Variants in FSTL5 observed in about 807,000 individuals in gnomAD.
FSTL5 encodes follistatin like 5, also known as follistatin-related protein 5.
FSTL5 carries 62 observed loss-of-function variants against 89.1 expected under a neutral mutation model. The observed-to-expected ratio is 0.70, with a 90% confidence interval of 0.57 to 0.86. The LOEUF is 0.86. FSTL5 is among the 40% of genes least tolerant of loss of function. FSTL5 has a pLI of 0.00. For missense variants in FSTL5, 1,057 were observed against 1,001.6 expected, an observed-to-expected ratio of 1.06 and a Z score of -0.75; for synonymous variants, 383 against 346.2, an observed-to-expected ratio of 1.11 and a Z score of -1.18.
chr4:161,856,252 T>C (rs1210056500), intron 4 of FSTL5, among the ~76,000 whole-genome samples: 1 of 152,052 alleles, frequency 6.6e-6, no homozygotes, highest in Non-Finnish European at 1.5e-5. Context: ...ATATTGAACA[T>C]AGAAGAAACA....
intron 2 of FSTL5, among the ~76,000 whole-genome samples, chr4:162,055,039 T>C (rs1249247861): frequency 2.0e-5 from 3 of 151,940 alleles, no homozygotes; most frequent in Non-Finnish European, 4.4e-5. Context: ...CTAGTTATTG[T>C]TTTTGTGGAT....
intron 3 of FSTL5, among the ~76,000 whole-genome samples, chr4:161,922,253 T>C (rs1403386015): frequency 2.0e-5 from 3 of 151,876 alleles, no homozygotes; most frequent in African/African-American, 7.2e-5. Flanking sequence ...GGTGGAAAAA[T>C]AATTTATTGA....
chr4:161,563,964 T>A (rs1732705697), intron 8 of FSTL5, among the ~76,000 whole-genome samples: 1 of 151,918 alleles, frequency 6.6e-6, no homozygotes, highest in Non-Finnish European at 1.5e-5. Context: ...AGAAGATATG[T>A]AAATGCTTAT....
chr4:161,610,525 T>C (rs1734596805), intron 7 of FSTL5, among the ~76,000 whole-genome samples: 1 of 152,148 alleles, frequency 6.6e-6, no homozygotes, highest in South Asian at 2.1e-4. Flanking sequence ...GGTGATTGCA[T>C]GACCAAGGAC....
chr4:161,917,591 T>C (rs1213723627), intron 4 of FSTL5, among the ~76,000 whole-genome samples: 1 of 152,202 alleles, frequency 6.6e-6, no homozygotes, highest in Admixed American at 6.5e-5. Context: ...TGTTTGCGTA[T>C]ATATTTAGTT....
rs146228015 is a variant in FSTL5, at chr4:161,497,289, T to G, written c.1458+2727A>C. ...TGAGTTTAATTTACTCTAGCCTTTT[T>G]TCATATATGTGGCATATAATAATTA... On this transcript the variant is annotated intron_variant, in intron 12 of 15. Transcript: ENST00000306100. Among the ~76,000 whole-genome samples the G allele has an allele frequency of 2.2e-3, 329 of 152,236 alleles. 9 individuals carry two copies. In the East Asian group the frequency reaches 0.045, roughly 21 times the overall value.
intron 3 of FSTL5, among the ~76,000 whole-genome samples, chr4:162,028,670 T>A (rs1292101288): frequency 6.6e-6 from 1 of 152,182 alleles, no homozygotes; most frequent in Non-Finnish European, 1.5e-5. Flanking sequence ...CCATTTCAGG[T>A]ATTACTTATG....
chr4:161,715,677 A>G (rs1013536515), intron 6 of FSTL5, among the ~76,000 whole-genome samples: 7 of 152,112 alleles, frequency 4.6e-5, no homozygotes, highest in Non-Finnish European at 8.8e-5. Flanking sequence ...CAATAGCTCC[A>G]CTTAGATGCT....
chr4:161,797,059 A>G (rs1729652188), intron 4 of FSTL5, among the ~76,000 whole-genome samples: 1 of 151,634 alleles, frequency 6.6e-6, no homozygotes, highest in South Asian at 2.1e-4. Flanking sequence ...TGCCAACTTC[A>G]ATCTAATTTC....
intron 13 of FSTL5, among the ~76,000 whole-genome samples, chr4:161,471,930 ATC>A (rs1239231981): frequency 7.4e-5 from 11 of 149,482 alleles, no homozygotes; most frequent in Admixed American, 7.3e-4. Context: ...ATTAATTAAA[ATC>A]TCTTTCTCTT....
At chr4:161,697,969 G>A (rs1388926151) in intron 6 of FSTL5, among the ~76,000 whole-genome samples, 1 of 152,058 alleles carries the variant, frequency 6.6e-6, no homozygotes, top group Non-Finnish European at 1.5e-5. Context: ...ATGTGTGTGT[G>A]TGTGTTATGG....
intron 7 of FSTL5, among the ~76,000 whole-genome samples, chr4:161,589,549 C>T (rs1426572201): frequency 1.3e-5 from 2 of 151,972 alleles, no homozygotes; most frequent in Non-Finnish European, 2.9e-5. Flanking sequence ...AACTCCTGGC[C>T]TCAAGTGACC....
intron 15 of FSTL5, among the ~76,000 whole-genome samples, chr4:161,390,737 A>G (rs1043618553): frequency 1.3e-5 from 2 of 152,074 alleles, no homozygotes; most frequent in Admixed American, 6.6e-5. Context: ...CAGATACATT[A>G]AAGCTCGTAA....
At chr4:161,625,021 T>C (rs986017589) in intron 7 of FSTL5, among the ~76,000 whole-genome samples, 4 of 152,124 alleles carry the variant, frequency 2.6e-5, no homozygotes, top group African/African-American at 9.6e-5. Flanking sequence ...AATACCAGTT[T>C]GCCATTCTAG....
chr4:162,006,450 G>C (rs778743426), intron 3 of FSTL5, among the ~76,000 whole-genome samples: 1 of 151,872 alleles, frequency 6.6e-6, no homozygotes, highest in African/African-American at 2.4e-5. Flanking sequence ...ATAAATGAGT[G>C]ATATTGAAAA....
Position 162,029,184 on chromosome 4 carries a change from TGTGC to T in FSTL5, c.160+4437_160+4440del, listed in dbSNP as rs1415037099. Among the ~76,000 whole-genome samples, 7 of 146,274 alleles carry T rather than the reference TGTGC, an allele frequency of 4.8e-5. No homozygotes were observed. The South Asian group carries it at 1.3e-3, about 28-fold the overall frequency. On this transcript the variant is annotated intron_variant, in intron 3 of 15. Coordinates refer to ENST00000306100, the MANE Select transcript of FSTL5 (RefSeq NM_020116.5). The stretch of plus-strand genomic sequence containing the variant: ...GAGAGAGAGTGTGTGTGTGTGTGTG[TGTGC>T]GTGTGTGTGTGTAGACTGCAGGCGC...
At chr4:161,672,578 C>T (rs1260755275) in intron 6 of FSTL5, among the ~76,000 whole-genome samples, 1 of 151,768 alleles carries the variant, frequency 6.6e-6, no homozygotes, top group Non-Finnish European at 1.5e-5. Flanking sequence ...GTAACATTTA[C>T]TTATGGTTTA....
intron 4 of FSTL5, among the ~76,000 whole-genome samples, chr4:161,870,038 C>T (rs1732213165): frequency 6.6e-6 from 1 of 152,132 alleles, no homozygotes; most frequent in Non-Finnish European, 1.5e-5. Context: ...CATCTTAAGA[C>T]TGCAAGGTAA....
chr4:161,396,683 C>T (rs929220541), intron 15 of FSTL5, among the ~76,000 whole-genome samples: 8 of 147,480 alleles, frequency 5.4e-5, no homozygotes, highest in South Asian at 2.1e-4. Context: ...AGAAGTAAGA[C>T]GCAATATGGG....
Sources: gnomAD v4.1 joint callset for allele counts (sites outside exome capture counted in the v4.1 genomes callset) on GRCh38, gnomAD v4.1.1 for gene constraint, MANE v1.5 for transcripts, NCBI Gene and HGNC (gene_info 2026-07-23, HGNC 2026-07-21) for gene names.